Variants in CNTN5 observed in about 807,000 individuals in gnomAD.
CNTN5 encodes contactin 5.
In CNTN5, 77 loss-of-function variants were observed where a neutral mutation model predicts 129.1. The observed-to-expected ratio is 0.60, with a 90% confidence interval of 0.50 to 0.72. The LOEUF (loss-of-function observed/expected upper bound fraction) is 0.72. Among genes scored for constraint, CNTN5 ranks in the 30% least tolerant of loss-of-function variants. The pLI is 0.00. For synonymous variants in CNTN5, 509 were observed against 465.6 expected (o/e 1.09, Z -1.20); for missense variants, 1,478 against 1,328.8 (o/e 1.11, Z -1.75).
chr11:99,328,759 A>T (rs960746054), intron 2 of CNTN5, among the ~76,000 whole-genome samples: 1 of 151,280 alleles, frequency 6.6e-6, no homozygotes, highest in Non-Finnish European at 1.5e-5. Flanking sequence ...AATCCCAGCT[A>T]CTCAGGAGGC....
At chr11:99,346,356 C>A (rs192580999) in intron 2 of CNTN5, among the ~76,000 whole-genome samples, 1 of 152,330 alleles carries the variant, frequency 6.6e-6, no homozygotes, top group East Asian at 1.9e-4. Flanking sequence ...TATGGTATTG[C>A]AAACACCTGC....
At chr11:100,298,905 C>T (rs1486496383) in intron 19 of CNTN5, among the ~76,000 whole-genome samples, 1 of 151,158 alleles carries the variant, frequency 6.6e-6, no homozygotes, top group Non-Finnish European at 1.5e-5. Flanking sequence ...AAATTTGTTT[C>T]ACTTCAAAAG....
At chr11:99,465,559 C>T (rs2726390) in intron 2 of CNTN5, among the ~76,000 whole-genome samples, 150,346 of 151,934 alleles carry the variant, frequency 0.99, 74,410 homozygotes, top group East Asian at 1. Context: ...TTCAGTGCTA[C>T]ACACCAGCTT....
intron 2 of CNTN5, among the ~76,000 whole-genome samples, chr11:99,333,500 A>G (rs1866088225): frequency 6.6e-6 from 1 of 152,050 alleles, no homozygotes; most frequent in South Asian, 2.1e-4. Flanking sequence ...ATTTCCTACT[A>G]TCGCTATGCT....
At chr11:100,122,548 C>T (rs1591281747) in intron 13 of CNTN5, among the ~76,000 whole-genome samples, 1 of 152,124 alleles carries the variant, frequency 6.6e-6, no homozygotes, top group Non-Finnish European at 1.5e-5. Context: ...TCAAAGAAGT[C>T]CAATCTGGAG....
At position 99,909,413 on chromosome 11, in the gene CNTN5, G is replaced by C. The variant is rs139322215; in HGVS notation, c.578-6641G>C. ...TGGAAGTCAGTGTGGCGATTCCTCA[G>C]GGATCTAGAAGTAGAAATACCATTT... On this transcript the variant is annotated intron_variant, in intron 6 of 24. Transcript: ENST00000524871. Among the ~76,000 whole-genome samples, 746 of 152,190 alleles carry C rather than the reference G, an allele frequency of 4.9e-3. 2 individuals are homozygous for C. The highest frequency in any genetic ancestry group is 0.017 in the African/African-American group (712 of 41,534).
chr11:99,458,264 G>A (rs773064421), intron 2 of CNTN5, among the ~76,000 whole-genome samples: 4 of 151,726 alleles, frequency 2.6e-5, no homozygotes, highest in Non-Finnish European at 5.9e-5. Context: ...ACACAAATAA[G>A]TAAGTGAACA....
rs773871209 is a variant in CNTN5 at position 99,373,710 on chromosome 11, TCA to T, written c.-71+48227_-71+48228del. Among the ~76,000 whole-genome samples, 109 of 51,694 alleles carry T rather than the reference TCA, an allele frequency of 2.1e-3. 1 individual carries two copies. Among genetic ancestry groups the T allele is most frequent in the East Asian group, 3.2e-3 (3 of 952 alleles). 33.9% of individuals were successfully genotyped at this position (51,694 alleles called of 152,430 possible). A position where few individuals can be genotyped will look rare whatever the true frequency, so the allele number is the denominator to read the frequency against. On this transcript the variant is annotated intron_variant, in intron 2 of 24. Transcript: ENST00000524871. ...CCTGGGAAACGAGGAAAACTCCGTC[TCA>T]AAAAAAAAAAAAAAAAAAAAAATTA... is the stretch of plus-strand genomic sequence containing the variant.
chr11:99,826,436 A>G (rs1946960889), intron 4 of CNTN5, among the ~76,000 whole-genome samples: 1 of 152,168 alleles, frequency 6.6e-6, no homozygotes, highest in Admixed American at 6.6e-5. Flanking sequence ...AGAAACAGAC[A>G]CACATACGTA....
rs185599067 is a variant in CNTN5 at position 99,941,534 on chromosome 11, C to T, written c.674-15272C>T. Among the ~76,000 whole-genome samples the T allele has an allele frequency of 3.0e-3, 351 of 117,798 alleles. 2 individuals carry two copies. The highest frequency in any genetic ancestry group is 0.011 in the African/African-American group (332 of 30,890). The allele number at this position is 117,798 out of a possible 152,430, so 77.3% of individuals were successfully genotyped here. A position where few individuals can be genotyped will look rare whatever the true frequency, so the allele number is the denominator to read the frequency against. ...TTCCCTAAGAAAACACTTACTGCCA[C>T]GCAAGAGATAAGTAATAGAGGTAAA... On this transcript the variant is annotated intron_variant, in intron 7 of 24. Coordinates refer to ENST00000524871, the MANE Select transcript of CNTN5 (RefSeq NM_014361.4).
At chr11:99,443,598 G>T (rs117443382) in intron 2 of CNTN5, among the ~76,000 whole-genome samples, 3,452 of 152,200 alleles carry the variant, frequency 0.023, 187 homozygotes, top group East Asian at 0.15. Context: ...AATAGCAATG[G>T]CTCAAATAGA....
intron 2 of CNTN5, among the ~76,000 whole-genome samples, chr11:99,411,654 A>T (rs190825618): frequency 6.6e-6 from 1 of 152,162 alleles, no homozygotes; most frequent in Non-Finnish European, 1.5e-5. Flanking sequence ...TCTTAATTTG[A>T]CTGTTTCTAC....
In CNTN5 at chr11:99,355,263, G is replaced by A. The variant is rs544823616; in HGVS notation, c.-71+29779G>A. On this transcript the variant is annotated intron_variant, in intron 2 of 24. Coordinates refer to ENST00000524871, the MANE Select transcript of CNTN5 (RefSeq NM_014361.4). ...ATACTACAAATGCTTCATAAAGTCA[G>A]TAATTCTTTTTTGTTTCAATAGCAT... Among the ~76,000 whole-genome samples the A allele has an allele frequency of 7.2e-5, 11 of 152,264 alleles. No individual in the cohort carries two copies. In the East Asian group the frequency reaches 2.1e-3, roughly 29 times the overall value.
intron 1 of CNTN5, among the ~76,000 whole-genome samples, chr11:99,198,363 T>C (rs1186766833): frequency 3.3e-5 from 5 of 152,132 alleles, no homozygotes; most frequent in East Asian, 1.9e-4. Context: ...AAAAACAGAT[T>C]ACATAATGTT....
At chr11:100,157,863 GA>G (rs1284132802) in intron 13 of CNTN5, among the ~76,000 whole-genome samples, 1 of 150,936 alleles carries the variant, frequency 6.6e-6, no homozygotes, top group African/African-American at 2.4e-5. Flanking sequence ...AAAAGCATGT[GA>G]AAAAAGGAAG....
At chr11:100,345,235 G>C (rs1021242948) in intron 23 of CNTN5, among the ~76,000 whole-genome samples, 14 of 152,142 alleles carry the variant, frequency 9.2e-5, no homozygotes, top group African/African-American at 3.4e-4. Flanking sequence ...TTTCCACAAT[G>C]GTGACTTGAA....
intron 1 of CNTN5, among the ~76,000 whole-genome samples, chr11:99,243,246 T>C (rs537420888): frequency 1.1e-4 from 17 of 152,320 alleles, no homozygotes; most frequent in African/African-American, 4.1e-4. Context: ...GGAACATTTT[T>C]TCTTATATTT....
At chr11:99,894,774 A>C (rs1949160986) in intron 6 of CNTN5, among the ~76,000 whole-genome samples, 1 of 152,292 alleles carries the variant, frequency 6.6e-6, no homozygotes, top group African/African-American at 2.4e-5. Context: ...TGAAATCCAA[A>C]GTCAAATTGG....
At chr11:100,071,571 AC>A (rs1186377675) in intron 11 of CNTN5, 133 bp from the exon 12 acceptor site, 11 of 516,990 alleles carry the variant, frequency 2.1e-5, no homozygotes, top group Non-Finnish European at 3.3e-5. Context: ...CAGTACATTT[AC>A]ATTGCTAAGT....
Sources: gnomAD v4.1 joint callset for allele counts (sites outside exome capture counted in the v4.1 genomes callset) on GRCh38, gnomAD v4.1.1 for gene constraint, MANE v1.5 for transcripts, NCBI Gene and HGNC (gene_info 2026-07-23, HGNC 2026-07-21) for gene names.